The following WTAP variants were observed in gnomAD, a reference collection of about 807,000 sequenced individuals.
WTAP encodes WT1 associated protein.
A neutral mutation model predicts 50.0 loss-of-function variants in WTAP; 8 were observed. The ratio of observed to expected loss-of-function variants is 0.16; its 90% CI spans 0.09 to 0.29. WTAP has a LOEUF of 0.29. WTAP is among the 10% of genes least tolerant of loss of function. The pLI, the probability that WTAP is intolerant of heterozygous loss-of-function variation, is 1.00. For missense variants in WTAP, 295 were observed against 470.7 expected (o/e 0.63, Z 3.45); for synonymous variants, 194 against 169.0 (o/e 1.15, Z -1.15).
intron 5 of WTAP, chr6:159,745,156 A>G (rs1024131760): frequency 2.0e-5 from 3 of 152,230 alleles, no homozygotes; most frequent in African/African-American, 7.2e-5. Flanking sequence ...CTTGGGAGAT[A>G]GAGTGTGAAT....
chr6:159,739,119 T>G, intron 3 of WTAP, 74 bp downstream of exon 3: 2 of 1,213,470 alleles, frequency 1.6e-6, no homozygotes, highest in African/African-American at 1.5e-5. Context: ...GTAATTGTCT[T>G]TGTGCCAGAT....
chr6:159,739,126 A>C, intron 3 of WTAP, 81 bp downstream of exon 3: 1 of 1,183,700 alleles, frequency 8.4e-7, no homozygotes, highest in Non-Finnish European at 1.2e-6. Context: ...TCTTTGTGCC[A>C]GATATTGTTT....
rs1347940126 is a variant in WTAP, at chr6:159,755,471, C to G, written c.1051C>G (p.His351Asp). 1 of 1,614,156 alleles carries G rather than the reference C, an allele frequency of 6.2e-7. No homozygotes were observed. Among genetic ancestry groups the G allele is most frequent in the Admixed American group, 1.7e-5 (1 of 60,010 alleles). ...SPTGSENSLT[H>D]QSNDTDSSHD... ...CACGGGCAGTGAAAACTCTCTCACA[C>G]ACCAATCAAATGACACAGACTCCAG... Residue 351 changes from histidine to aspartate, a missense_variant, in exon 8 of 8, where the codon CAC (histidine) becomes GAC (aspartate). His to Asp is a moderately conservative substitution (Grantham distance 81). Transcript: ENST00000621533.
chr6:159,726,966 A>G, upstream of WTAP: 2 of 1,283,914 alleles, frequency 1.6e-6, no homozygotes, highest in Non-Finnish European at 2.0e-6. Context: ...TCACGAACAC[A>G]GAGCGGCCAA....
At chr6:159,743,954 A>G (rs1040781999) in intron 5 of WTAP, among the ~76,000 whole-genome samples, 162 bp downstream of exon 5, 1 of 152,116 alleles carries the variant, frequency 6.6e-6, no homozygotes, top group Non-Finnish European at 1.5e-5. Flanking sequence ...AATTTTGATA[A>G]TGTCTCATTT....
chr6:159,739,604 T>C (rs1779121516), intron 3 of WTAP, among the ~76,000 whole-genome samples: 1 of 152,210 alleles, frequency 6.6e-6, no homozygotes. Context: ...TGTTCTGTGT[T>C]TTGTAATTTA....
intron 2 of WTAP, 45 bp downstream of exon 2, chr6:159,736,340 T>C (rs1778912363): frequency 6.7e-7 from 1 of 1,485,634 alleles, no homozygotes; most frequent in South Asian, 1.2e-5. Flanking sequence ...TTTGGGTTTT[T>C]TGGGGGCTTT....
rs35059844 is a variant in WTAP at position 159,743,771 on chromosome 6, A to G, written c.252A>G (p.Glu84=). 6.2e-7 allele frequency: 1 copy of G among 1,612,818 alleles called. No individual in the cohort carries two copies. The highest frequency in any genetic ancestry group is 1.3e-5 in the African/African-American group (1 of 74,880). The change falls in exon 5 of 8, where the codon GAA becomes GAG. Residue 84 remains glutamate, a synonymous_variant. Coordinates refer to ENST00000621533, the MANE Select transcript of WTAP (RefSeq NM_001270531.2). ...NILVMRLATK[E]QEMQECTTQI... ...TTGTAATGCGACTAGCAACCAAGGA[A>G]CAAGAGATGCAAGAGTGTACTGTAA...
intron 4 of WTAP, among the ~76,000 whole-genome samples, chr6:159,742,364 A>G (rs1779310512): frequency 6.6e-6 from 1 of 152,238 alleles, no homozygotes; most frequent in Non-Finnish European, 1.5e-5. Flanking sequence ...ATGTAATGGC[A>G]TGACTTAGCA....
At chr6:159,750,904 G>T (rs372629887) in intron 6 of WTAP, among the ~76,000 whole-genome samples, 1 of 152,364 alleles carries the variant, frequency 6.6e-6, no homozygotes. Flanking sequence ...GCACGCGCAC[G>T]CACGTGTGTG....
intron 1 of WTAP, among the ~76,000 whole-genome samples, chr6:159,732,113 C>T (rs1048428367): frequency 2.0e-5 from 3 of 152,004 alleles, no homozygotes; most frequent in Non-Finnish European, 2.9e-5. Flanking sequence ...TTTCGCATCC[C>T]GTGAATGCTG....
At position 159,748,482 on chromosome 6, in the gene WTAP, A is replaced by C. The variant is rs1218051783; in HGVS notation, c.452+113A>C. Reference sequence around the variant, plus strand: ...CACCAAGACTCAGACTTTTTGAGCCAAAAAAAAGCCACATTCTTACACTGT... The same window carrying C: ...CACCAAGACTCAGACTTTTTGAGCCCAAAAAAAGCCACATTCTTACACTGT... On this transcript the variant is annotated intron_variant, in intron 6 of 7. Coordinates refer to ENST00000621533, the MANE Select transcript of WTAP (RefSeq NM_001270531.2). The surrounding 1 kb of genome is among the most constrained non-coding windows in gnomAD (Gnocchi z 5.6). 1.1e-4 allele frequency: 157 copies of C among 1,481,592 alleles called. No individual in the cohort carries two copies. The highest frequency in any genetic ancestry group is 1.3e-4 in the Non-Finnish European group (145 of 1,115,772). The allele number at this position is 1,481,592 out of a possible 1,614,324, so 91.8% of individuals were successfully genotyped here.
upstream of WTAP, chr6:159,726,758 G>A: frequency 7.8e-7 from 1 of 1,287,690 alleles, no homozygotes; most frequent in Non-Finnish European, 1.0e-6. Flanking sequence ...TGCGTCTCCA[G>A]AGATGTCAAG....
At position 159,727,840 on chromosome 6, in the gene WTAP, G is replaced by A. The variant is rs1231240705; in HGVS notation, c.-9+137G>A. On this transcript the variant is annotated intron_variant, in intron 1 of 7. Coordinates refer to ENST00000621533, the MANE Select transcript of WTAP (RefSeq NM_001270531.2). ...GGGCCTGGTGCGGCACCGGTCTCTC[G>A]TGAGCCGCTCTACCTTCCCGCCTGC... 17 of 589,080 alleles carry A rather than the reference G, an allele frequency of 2.9e-5. No homozygotes were observed. In the South Asian group the frequency reaches 8.9e-4, roughly 31 times the overall value. 36.5% of individuals were successfully genotyped at this position (589,080 alleles called of 1,614,324 possible).
intron 1 of WTAP, among the ~76,000 whole-genome samples, chr6:159,728,302 A>T (rs976300253): frequency 6.6e-6 from 1 of 152,180 alleles, no homozygotes; most frequent in Non-Finnish European, 1.5e-5. Flanking sequence ...AAGTCTGTGT[A>T]CACGTAATGG....
intron 5 of WTAP, among the ~76,000 whole-genome samples, chr6:159,744,450 G>T (rs1411311524): frequency 2.6e-5 from 4 of 152,096 alleles, no homozygotes; most frequent in African/African-American, 9.7e-5. Flanking sequence ...ACATATAGAA[G>T]TCTTCTTATG....
chr6:159,733,643 G>A (rs148653957), intron 1 of WTAP, among the ~76,000 whole-genome samples: 2,284 of 151,430 alleles, frequency 0.015, 57 homozygotes, highest in African/African-American at 0.052. Flanking sequence ...AGCCCAGCAC[G>A]CTGGCTCATG....
rs778195151 is a variant in WTAP at position 159,755,359 on chromosome 6, C to T, written c.939C>T (p.Ser313=). 2 of 1,614,220 alleles carry T rather than the reference C, an allele frequency of 1.2e-6. No individual in the cohort carries two copies. Among genetic ancestry groups the T allele is most frequent in the South Asian group, 1.1e-5 (1 of 91,084 alleles). Residue 313 remains serine, a synonymous_variant, in exon 8 of 8, where the codon TCC becomes TCT. Transcript: ENST00000621533. ...CTTCTCCAGGGAATGGTAATAAGTC[C>T]TCCAACAGCTCAGAGGAGAGAACTG... ...FPSSPGNGNK[S]SNSSEERTGR...
chr6:159,753,388 C>T (rs763446119), intron 6 of WTAP, 72 bp from the exon 7 acceptor site: 1 of 1,593,204 alleles, frequency 6.3e-7, no homozygotes, highest in Non-Finnish European at 8.6e-7. Context: ...TTACATCTAT[C>T]ACTGTAATAA....
Sources: gnomAD v4.1 joint callset for allele counts (sites outside exome capture counted in the v4.1 genomes callset) on GRCh38, gnomAD v4.1.1 for gene constraint, Gnocchi (gnomAD v3.1) non-coding constraint, MANE v1.5 for transcripts, NCBI Gene and HGNC (gene_info 2026-07-23, HGNC 2026-07-21) for gene names.